The following PDE1C variants were observed in gnomAD, a reference collection of about 807,000 sequenced individuals.
The protein encoded by PDE1C is dual specificity calcium/calmodulin-dependent 3',5'-cyclic nucleotide phosphodiesterase 1C.
In PDE1C, 62 loss-of-function variants were observed where a neutral mutation model predicts 93.1. That is an observed-to-expected ratio of 0.67 (90% confidence interval 0.54 to 0.82). The LOEUF is 0.82. Among genes scored for constraint, PDE1C ranks in the 40% least tolerant of loss-of-function variants. The probability of loss-of-function intolerance (pLI) is 0.00; values close to 1 mark genes in which losing one functional copy is unlikely to be tolerated. For synonymous variants in PDE1C, 325 were observed against 310.1 expected (o/e 1.05, Z -0.50); for missense variants, 742 against 884.6 (o/e 0.84, Z 2.04).
chr7:31,716,935 T>C, the PDE1C span, among the ~76,000 whole-genome samples: 3 of 152,004 alleles, frequency 2.0e-5, no homozygotes, highest in Admixed American at 6.6e-5. Flanking sequence ...TAAATGAGAC[T>C]GAAAAAAATG....
chr7:32,080,855 A>G (rs911421413), intron 3 of PDE1C, among the ~76,000 whole-genome samples: 2 of 152,210 alleles, frequency 1.3e-5, no homozygotes, highest in Non-Finnish European at 2.9e-5. Context: ...GCTAATAAAA[A>G]AGACCCTGAA....
At chr7:32,407,290 C>G (rs1443242275) in intron 1 of PDE1C, among the ~76,000 whole-genome samples, 2 of 152,098 alleles carry the variant, frequency 1.3e-5, no homozygotes, top group African/African-American at 4.8e-5. Flanking sequence ...ATAAAACCAC[C>G]TGGACAGAGA....
At chr7:31,927,321 A>C (rs780348300) in intron 2 of PDE1C, among the ~76,000 whole-genome samples, 15 of 152,214 alleles carry the variant, frequency 9.9e-5, no homozygotes, top group Non-Finnish European at 1.9e-4. Flanking sequence ...TAAAACTCCC[A>C]TCTCCCTGGG....
chr7:31,831,393 G>A (rs1247698722), intron 11 of PDE1C, among the ~76,000 whole-genome samples: 1 of 152,016 alleles, frequency 6.6e-6, no homozygotes, highest in African/African-American at 2.4e-5. Flanking sequence ...AAATATCAGA[G>A]AGGAATAAGG....
chr7:32,304,965 C>A (rs79720772), intron 1 of PDE1C, among the ~76,000 whole-genome samples: 4,020 of 152,260 alleles, frequency 0.026, 77 homozygotes, highest in Non-Finnish European at 0.044. Flanking sequence ...AATCCATAAT[C>A]AGGGGCAAGA....
intron 3 of PDE1C, among the ~76,000 whole-genome samples, chr7:32,120,807 A>G (rs1267893314): frequency 6.6e-6 from 1 of 152,188 alleles, no homozygotes; most frequent in African/African-American, 2.4e-5. Context: ...CCAAAAGGCC[A>G]GGTGCCTCTT....
At chr7:32,071,606 C>T (rs992763615), upstream of PDE1C, among the ~76,000 whole-genome samples, 2 of 152,138 alleles carry the variant, frequency 1.3e-5, no homozygotes, top group Admixed American at 6.5e-5. Flanking sequence ...AAGAGGGTCC[C>T]TCCTGGGTGC....
At chr7:32,253,852 A>G (rs924500983) in intron 1 of PDE1C, among the ~76,000 whole-genome samples, 1 of 152,234 alleles carries the variant, frequency 6.6e-6, no homozygotes, top group Non-Finnish European at 1.5e-5. Flanking sequence ...GAATTTGATC[A>G]GAGATCAATG....
At chr7:31,886,004 G>A (rs1477786739) in intron 2 of PDE1C, among the ~76,000 whole-genome samples, 1 of 152,104 alleles carries the variant, frequency 6.6e-6, no homozygotes, top group Non-Finnish European at 1.5e-5. Flanking sequence ...CTCTGAGGAT[G>A]GGGGGGCAGC....
chr7:32,261,641 T>G (rs182680535), intron 1 of PDE1C, among the ~76,000 whole-genome samples: 13 of 152,340 alleles, frequency 8.5e-5, no homozygotes, highest in African/African-American at 2.6e-4. Flanking sequence ...CAATGATGTA[T>G]GAGTTCACTG....
At chr7:31,949,979 G>C (rs1181709378) in intron 2 of PDE1C, among the ~76,000 whole-genome samples, 1 of 152,116 alleles carries the variant, frequency 6.6e-6, no homozygotes, top group Non-Finnish European at 1.5e-5. Flanking sequence ...GTGAAGTTTA[G>C]AGACTTTAGA....
chr7:32,259,524 C>T (rs977361610), intron 1 of PDE1C, among the ~76,000 whole-genome samples: 2 of 152,144 alleles, frequency 1.3e-5, no homozygotes, highest in Non-Finnish European at 1.5e-5. Flanking sequence ...CCCTTTAGAG[C>T]CTCTGTGGCT....
chr7:31,643,661 C>T, the PDE1C span: 1 of 1,614,068 alleles, frequency 6.2e-7, no homozygotes, highest in South Asian at 1.1e-5. Flanking sequence ...TCCATTCAGA[C>T]TTCAGCTCTA....
chr7:32,129,351 G>T (rs1010038966), intron 3 of PDE1C, among the ~76,000 whole-genome samples: 1 of 123,424 alleles, frequency 8.1e-6, no homozygotes, highest in Non-Finnish European at 1.6e-5. Context: ...ATAGTAAAAA[G>T]ATATAAAAAA....
At chr7:32,396,469 C>A (rs1333867154) in intron 1 of PDE1C, among the ~76,000 whole-genome samples, 1 of 147,764 alleles carries the variant, frequency 6.8e-6, no homozygotes, top group African/African-American at 2.5e-5. Flanking sequence ...CAGAGTGAGA[C>A]CTTGTGTCAA....
At chr7:31,867,036 G>A (rs1482908385) in intron 6 of PDE1C, among the ~76,000 whole-genome samples, 2 of 152,030 alleles carry the variant, frequency 1.3e-5, no homozygotes, top group Admixed American at 6.6e-5. Context: ...CCACCAGACT[G>A]CATACTACCT....
chr7:31,848,562 C>G lies in PDE1C; in HGVS notation c.852-466G>C, dbSNP rs550051552. Among the ~76,000 whole-genome samples, 23 of 152,122 alleles carry G rather than the reference C, an allele frequency of 1.5e-4. 1 individual carries two copies. The South Asian group carries it at 4.6e-3, about 30-fold the overall frequency. Reference sequence around the variant, plus strand: ...AAGCTGCCTCTGATAGTGGCTTGATCTCAACATTTTTCCATGCAAAAGCCA... The same window carrying G: ...AAGCTGCCTCTGATAGTGGCTTGATGTCAACATTTTTCCATGCAAAAGCCA... On this transcript the variant is annotated intron_variant, in intron 8 of 17. Transcript: ENST00000396191.
chr7:31,659,732 A>C, the PDE1C span, among the ~76,000 whole-genome samples: 284 of 152,328 alleles, frequency 1.9e-3, no homozygotes, highest in Non-Finnish European at 3.4e-3. Flanking sequence ...TCTGAAAAGC[A>C]CTATATTGCA....
intron 3 of PDE1C, among the ~76,000 whole-genome samples, chr7:32,092,333 G>A (rs1422422102): frequency 2.0e-5 from 3 of 152,118 alleles, no homozygotes; most frequent in Non-Finnish European, 2.9e-5. Flanking sequence ...CTTCTCTCCT[G>A]CACTACTGGA....
Sources: gnomAD v4.1 joint callset for allele counts (sites outside exome capture counted in the v4.1 genomes callset) on GRCh38, gnomAD v4.1.1 for gene constraint, MANE v1.5 for transcripts, NCBI Gene and HGNC (gene_info 2026-07-23, HGNC 2026-07-21) for gene names.